The following CDK14 variants were observed in gnomAD, a reference collection of about 807,000 sequenced individuals.
CDK14 encodes cyclin dependent kinase 14.
In CDK14, 34 loss-of-function variants were observed where a neutral mutation model predicts 60.7. The ratio of observed to expected loss-of-function variants is 0.56; its 90% CI spans 0.43 to 0.75. The LOEUF is 0.75. CDK14 is among the 30% of genes least tolerant of loss of function. The probability of loss-of-function intolerance (pLI) is 0.00; values close to 1 mark genes in which losing one functional copy is unlikely to be tolerated. For missense variants in CDK14, 482 were observed against 564.1 expected (o/e 0.85, Z 1.47); for synonymous variants, 197 against 203.7 (o/e 0.97, Z 0.28).
intron 8 of CDK14, among the ~76,000 whole-genome samples, chr7:90,926,038 A>G (rs1200518141): frequency 6.6e-6 from 1 of 152,210 alleles, no homozygotes; most frequent in Non-Finnish European, 1.5e-5. Flanking sequence ...ATAAGTTAAC[A>G]TTGTGCCTGT....
chr7:90,626,751 G>A (rs556948243), intron 2 of CDK14, among the ~76,000 whole-genome samples: 2 of 152,176 alleles, frequency 1.3e-5, no homozygotes, highest in South Asian at 4.1e-4. Context: ...ACCAGCCTGG[G>A]CAATATAGTG....
chr7:90,806,346 A>T (rs1241101511), intron 5 of CDK14, among the ~76,000 whole-genome samples: 2 of 152,196 alleles, frequency 1.3e-5, no homozygotes, highest in Non-Finnish European at 2.9e-5. Flanking sequence ...ATTGGTAGAA[A>T]ATATTTCCAA....
At chr7:90,736,285 TC>T (rs1803102516) in intron 3 of CDK14, among the ~76,000 whole-genome samples, 1 of 149,218 alleles carries the variant, frequency 6.7e-6, no homozygotes, top group African/African-American at 2.5e-5. Context: ...TGCCAGCAAA[TC>T]CTGTCTGCTG....
intron 14 of CDK14, among the ~76,000 whole-genome samples, chr7:91,190,073 T>G (rs572432631): frequency 6.6e-6 from 1 of 152,362 alleles, no homozygotes; most frequent in South Asian, 2.1e-4. Context: ...AAAATAGACA[T>G]GACAGACATT....
At chr7:90,986,250 T>G (rs1267138210) in intron 10 of CDK14, among the ~76,000 whole-genome samples, 1 of 152,116 alleles carries the variant, frequency 6.6e-6, no homozygotes, top group Non-Finnish European at 1.5e-5. Context: ...TAGCTTGTTT[T>G]CAGTTTTTCA....
chr7:90,926,348 C>T (rs982909768), intron 8 of CDK14, among the ~76,000 whole-genome samples: 3 of 152,180 alleles, frequency 2.0e-5, no homozygotes, highest in Non-Finnish European at 2.9e-5. Flanking sequence ...ACAAAGAATG[C>T]TTCTCACAGT....
intron 11 of CDK14, among the ~76,000 whole-genome samples, chr7:91,048,005 C>T (rs1485231322): frequency 6.6e-6 from 1 of 152,122 alleles, no homozygotes; most frequent in Non-Finnish European, 1.5e-5. Flanking sequence ...CCTTGATTTA[C>T]CCCGAAGTGT....
At chr7:91,082,853 A>G (rs1798520450) in intron 12 of CDK14, among the ~76,000 whole-genome samples, 1 of 152,198 alleles carries the variant, frequency 6.6e-6, no homozygotes, top group Non-Finnish European at 1.5e-5. Flanking sequence ...TTTTCTTGTC[A>G]TTATAGCTGA....
chr7:90,809,054 C>T (rs1788981783), intron 5 of CDK14, among the ~76,000 whole-genome samples: 1 of 152,160 alleles, frequency 6.6e-6, no homozygotes, highest in African/African-American at 2.4e-5. Context: ...CAGCATTAGA[C>T]AGATCAATGA....
At chr7:90,880,040 G>T (rs1006923091) in intron 6 of CDK14, among the ~76,000 whole-genome samples, 4 of 152,162 alleles carry the variant, frequency 2.6e-5, no homozygotes, top group African/African-American at 9.6e-5. Context: ...GATTCTTACC[G>T]CCTCTCAGCT....
At chr7:90,654,828 C>G (rs1487517937) in intron 2 of CDK14, among the ~76,000 whole-genome samples, 1 of 152,134 alleles carries the variant, frequency 6.6e-6, no homozygotes, top group Admixed American at 6.6e-5. Context: ...GATTGACTCA[C>G]TATTATTAAC....
At chr7:90,737,452 G>T (rs1321404177) in intron 3 of CDK14, among the ~76,000 whole-genome samples, 2 of 152,160 alleles carry the variant, frequency 1.3e-5, no homozygotes, top group South Asian at 2.1e-4. Flanking sequence ...TCTGTTTTTA[G>T]ATACTTGTTC....
At chr7:91,190,372 G>C (rs373437619) in intron 14 of CDK14, among the ~76,000 whole-genome samples, 1 of 152,220 alleles carries the variant, frequency 6.6e-6, no homozygotes, top group Admixed American at 6.5e-5. Flanking sequence ...CATTGAGGTA[G>C]AGAGCTGAAA....
At chr7:91,070,248 TTGCTGCTGC>T (rs904027568) in intron 11 of CDK14, among the ~76,000 whole-genome samples, 3 of 131,164 alleles carry the variant, frequency 2.3e-5, no homozygotes, top group African/African-American at 8.5e-5. Context: ...TATTTTGTTG[TTGCTGCTGC>T]TGCTGCTGCT....
chr7:90,981,411 T>A (rs1329847112), intron 9 of CDK14, among the ~76,000 whole-genome samples: 1 of 152,212 alleles, frequency 6.6e-6, no homozygotes, highest in Non-Finnish European at 1.5e-5. Flanking sequence ...TAAAATTACA[T>A]CCTATGATAT....
At chr7:91,055,850 T>C (rs1797533545) in intron 11 of CDK14, among the ~76,000 whole-genome samples, 1 of 152,228 alleles carries the variant, frequency 6.6e-6, no homozygotes, top group African/African-American at 2.4e-5. Context: ...GTCATCTCTT[T>C]TAAAATAAAA....
chr7:90,998,611 G>C (rs191706107), intron 10 of CDK14, among the ~76,000 whole-genome samples: 3 of 152,206 alleles, frequency 2.0e-5, no homozygotes, highest in African/African-American at 7.2e-5. Context: ...AAAATAGGCC[G>C]GGCGCGGTGG....
intron 14 of CDK14, among the ~76,000 whole-genome samples, chr7:91,175,376 G>A (rs563543620): frequency 1.3e-4 from 19 of 151,992 alleles, no homozygotes; most frequent in South Asian, 8.3e-4. Context: ...AAAGACCATC[G>A]AGACTAGGAA....
chr7:91,102,625 A>C (rs1050296561), intron 12 of CDK14, among the ~76,000 whole-genome samples: 3 of 152,098 alleles, frequency 2.0e-5, no homozygotes, highest in African/African-American at 7.2e-5. Context: ...TGTAAAAAAA[A>C]AAAACCCTAA....
Sources: allele counts gnomAD v4.1 joint callset (sites outside exome capture counted in the v4.1 genomes callset), GRCh38; gene constraint gnomAD v4.1.1; transcripts MANE v1.5; gene names NCBI Gene and HGNC (gene_info 2026-07-23, HGNC 2026-07-21).